Variants in CFAP47 observed in about 807,000 individuals in gnomAD.
CFAP47 encodes cilia- and flagella-associated protein 47.
Under a neutral mutation model 148.1 loss-of-function variants are expected in CFAP47, and 29 were observed. The observed-to-expected ratio is 0.20, with a 90% confidence interval of 0.15 to 0.27. CFAP47 has a LOEUF of 0.27. Ranked by LOEUF, CFAP47 falls within the 10% of genes least tolerant of loss-of-function variation. The pLI is 1.00. For synonymous variants in CFAP47, 664 were observed against 577.3 expected (o/e 1.15, Z -2.15); for missense variants, 1,872 against 1,697.5 (o/e 1.10, Z -1.81).
intron 48 of CFAP47, 53 bp from the exon 49 acceptor site, chrX:36,251,280 A>G: frequency 2.4e-6 from 1 of 420,549 alleles, no homozygotes; most frequent in South Asian, 4.1e-5. Context: ...AGTGTAGTGT[A>G]CTTATTTTAT....
In CFAP47 at chrX:36,053,649, A is replaced by G. The variant is rs761530673; in HGVS notation, c.4217+6586A>G. ...GCACCTTCATCCTACAAAGAACATT[A>G]TTTTCATGGTTAATCTATTCAAACA... On this transcript the variant is annotated intron_variant, in intron 26 of 63. Coordinates refer to ENST00000378653, the MANE Select transcript of CFAP47 (RefSeq NM_001304548.2). 4.5e-5 allele frequency among the ~76,000 whole-genome samples: 5 copies of G among 111,885 alleles called. No homozygotes were observed. The Admixed American group carries it at 4.8e-4, about 11-fold the overall frequency.
chrX:35,960,380 G>GGAAAAAAA lies in CFAP47; in HGVS notation c.1410+4184_1410+4185insGAAAAAAA, dbSNP rs1227681980. Among the ~76,000 whole-genome samples, 6 of 15,491 alleles carry GGAAAAAAA rather than the reference G, an allele frequency of 3.9e-4. 1 individual carries two copies. The highest frequency in any genetic ancestry group is 1.6e-3 in the African/African-American group (6 of 3,817). 13.5% of individuals were successfully genotyped at this position (15,491 alleles called of 115,157 possible). A position where few individuals can be genotyped will look rare whatever the true frequency, so the allele number is the denominator to read the frequency against. ...CTTTAACATTAGCTTGCTAATTTCT[G>GGAAAAAAA]AAAAAAAAAAAAAAAAAAAAAAAAA... On this transcript the variant is annotated intron_variant, in intron 8 of 63. Transcript: ENST00000378653.
chrX:36,309,258 C>T (rs7059927), intron 55 of CFAP47, among the ~76,000 whole-genome samples: 683 of 110,647 alleles, frequency 6.2e-3, no homozygotes, highest in African/African-American at 0.021. Context: ...GTTATAAAAT[C>T]AGTGGTTTTA....
intron 22 of CFAP47, among the ~76,000 whole-genome samples, chrX:36,018,822 C>T (rs1174535831): frequency 6.6e-5 from 7 of 105,308 alleles, no homozygotes; most frequent in South Asian, 4.1e-4. Context: ...TTTTTAAATG[C>T]GTCATTGTCT....
chrX:36,255,403 C>T (rs1454869919), intron 49 of CFAP47, among the ~76,000 whole-genome samples: 1 of 112,540 alleles, frequency 8.9e-6, no homozygotes, highest in Non-Finnish European at 1.9e-5. Context: ...AAGGCTTCAG[C>T]CAACTCATTA....
At chrX:36,121,716 T>C (rs1020297858) in intron 33 of CFAP47, among the ~76,000 whole-genome samples, 3 of 111,617 alleles carry the variant, frequency 2.7e-5, no homozygotes, top group Non-Finnish European at 5.7e-5. Context: ...TGTTTCTTTT[T>C]ATATTGTATA....
chrX:35,977,369 A>G (rs766087785), intron 15 of CFAP47, among the ~76,000 whole-genome samples: 5 of 112,144 alleles, frequency 4.5e-5, no homozygotes, highest in Non-Finnish European at 9.4e-5. Context: ...CCTGGCAAAG[A>G]GTAGGTGCCA....
At chrX:36,315,974 G>C (rs1941430306) in intron 56 of CFAP47, among the ~76,000 whole-genome samples, 1 of 111,466 alleles carries the variant, frequency 9.0e-6, no homozygotes, top group African/African-American at 3.3e-5. Context: ...CGTTATATCT[G>C]TTTTAAGGAG....
chrX:36,236,396 G>A (rs1940466768), intron 47 of CFAP47, among the ~76,000 whole-genome samples: 1 of 111,565 alleles, frequency 9.0e-6, no homozygotes, highest in African/African-American at 3.3e-5. Flanking sequence ...ACTTTCTTAA[G>A]ACAATATTTC....
In CFAP47 at chrX:36,099,863, T is replaced by A; in HGVS notation, c.5111T>A (p.Phe1704Tyr). The change falls in exon 32 of 64, where the codon TTT (phenylalanine) becomes TAT (tyrosine). Residue 1704 changes from phenylalanine (F) to tyrosine (Y), a missense_variant. Transcript: ENST00000378653. ...AGTAAACGGGCATGGACAGATGTAT[T>A]TCTACAGATATACAAGGTAACATTT... ...AWSKRAWTDV[F>Y]LQIYKVLVLS... is the part of the protein sequence containing the mutation. 2.0e-6 allele frequency: 2 copies of A among 980,635 alleles called. No individual in the cohort carries two copies. Among genetic ancestry groups the A allele is most frequent in the Non-Finnish European group, 2.9e-6 (2 of 689,777 alleles). The allele number at this position is 980,635 out of a possible 1,213,427, so 80.8% of individuals were successfully genotyped here.
At chrX:36,093,263 G>T (rs1304337672) in intron 30 of CFAP47, among the ~76,000 whole-genome samples, 1 of 111,004 alleles carries the variant, frequency 9.0e-6, no homozygotes, top group East Asian at 2.8e-4. Context: ...GTTTCTTTTG[G>T]CTATATACCC....
chrX:35,924,594 C>T (rs186367247), intron 1 of CFAP47, among the ~76,000 whole-genome samples: 52 of 106,630 alleles, frequency 4.9e-4, no homozygotes, highest in Admixed American at 3.4e-3. Context: ...TATATACACA[C>T]GTGCATGTGG....
At chrX:36,342,238 A>C (rs1941659802) in intron 57 of CFAP47, among the ~76,000 whole-genome samples, 1 of 111,318 alleles carries the variant, frequency 9.0e-6, no homozygotes, top group Non-Finnish European at 1.9e-5. Flanking sequence ...TTATATAATG[A>C]GGTTGGCACT....
At position 36,236,757 on chromosome X, in the gene CFAP47, A is replaced by T. The variant is rs916933483; in HGVS notation, c.7230A>T (p.Lys2410Asn). ...TTGACATAAAAGGGGTTGGGAAAAA[A>T]CCTTCGGCCTTGGAACACATCACTG... ...HIFDIKGVGKKPSALEHITVE... is the reference protein window; with the variant it reads ...HIFDIKGVGKNPSALEHITVE... The change falls in exon 48 of 64, where the codon AAA (lysine) becomes AAT (asparagine). Residue 2410 changes from lysine (K) to asparagine (N), a missense_variant. By Grantham distance (94) the Lys-to-Asn change is moderately conservative. Transcript: ENST00000378653. 48 of 523,564 alleles carry T rather than the reference A, an allele frequency of 9.2e-5. No individual in the cohort carries two copies. In the African/African-American group the frequency reaches 9.3e-4, roughly 10 times the overall value. The allele number at this position is 523,564 out of a possible 1,213,427, so 43.1% of individuals were successfully genotyped here. A position where few individuals can be genotyped will look rare whatever the true frequency, so the allele number is the denominator to read the frequency against.
intron 56 of CFAP47, 36 bp downstream of exon 56, chrX:36,311,025 A>G (rs1556009899): frequency 1.2e-6 from 1 of 815,660 alleles, no homozygotes; most frequent in South Asian, 3.7e-5. Context: ...ATGTTATTTT[A>G]TAGGTATTTA....
At chrX:36,347,768 C>T (rs896591526) in intron 57 of CFAP47, among the ~76,000 whole-genome samples, 1 of 109,344 alleles carries the variant, frequency 9.1e-6, no homozygotes, top group Non-Finnish European at 1.9e-5. Context: ...CATCACACAC[C>T]ATGGCCTGTT....
chrX:36,324,140 C>T (rs1387724400), intron 57 of CFAP47, among the ~76,000 whole-genome samples: 5 of 111,556 alleles, frequency 4.5e-5, no homozygotes, highest in African/African-American at 1.6e-4. Flanking sequence ...CCAAGAACGA[C>T]ACAAGAGTGT....
chrX:35,919,901 G>T lies in CFAP47; in HGVS notation c.102G>T (p.Ser34=), dbSNP rs762888297. 8.3e-7 allele frequency: 1 copy of T among 1,208,971 alleles called. No homozygotes were observed. The highest frequency in any genetic ancestry group is 1.8e-5 in the South Asian group (1 of 56,625). ...TCGTCCCCCGGGATATGGATAGCTC[G>T]GGTAGAGACATGCAGCTGCGGGTGA... ...GSLVPRDMDS[S]GRDMQLRVIP... The change falls in exon 1 of 64, where the codon TCG becomes TCT. Residue 34 remains serine, a synonymous_variant. Transcript: ENST00000378653.
At chrX:36,294,917 G>A (rs909119831) in intron 51 of CFAP47, among the ~76,000 whole-genome samples, 4 of 111,165 alleles carry the variant, frequency 3.6e-5, no homozygotes, top group African/African-American at 6.5e-5. Flanking sequence ...GTGGTTAAAT[G>A]TTTTAATTAT....
Sources: allele counts gnomAD v4.1 joint callset (sites outside exome capture counted in the v4.1 genomes callset), GRCh38; gene constraint gnomAD v4.1.1; transcripts MANE v1.5; gene names NCBI Gene and HGNC (gene_info 2026-07-23, HGNC 2026-07-21).